FKRP: variants seen among roughly 807,000 people sequenced by gnomAD.
FKRP encodes fukutin related protein, also known as ribitol 5-phosphate transferase FKRP.
In FKRP, 25 loss-of-function variants were observed where a neutral mutation model predicts 30.6. That is an observed-to-expected ratio of 0.82 (90% CI 0.60 to 1.14). The LOEUF (loss-of-function observed/expected upper bound fraction) is 1.14. FKRP is among the 50% of genes most tolerant of loss of function. The pLI, the probability that FKRP is intolerant of heterozygous loss-of-function variation, is 0.00. For missense variants in FKRP, 771 were observed against 727.8 expected, an observed-to-expected ratio of 1.06 and a Z score of -0.68; for synonymous variants, 358 against 342.5, an observed-to-expected ratio of 1.05 and a Z score of -0.50.
In FKRP at chr19:46,755,606, G is replaced by A; in HGVS notation, c.156G>A (p.Leu52=). The change falls in exon 4 of 4, where the codon CTG becomes CTA. Residue 52 remains leucine, a synonymous_variant. Transcript: ENST00000318584. The part of the protein sequence containing the change: ...ASAAGPRVTV[L]VREFEAFDNA... ...CTGCCGGCCCCCGTGTCACCGTCCT[G>A]GTGCGGGAGTTCGAGGCATTTGACA... is the stretch of plus-strand genomic sequence containing the variant. 5 of 1,605,908 alleles carry A rather than the reference G, an allele frequency of 3.1e-6. No homozygotes were observed. Among genetic ancestry groups the A allele is most frequent in the Non-Finnish European group, 4.2e-6 (5 of 1,177,534 alleles).
chr19:46,753,237 G>A (rs1242004078), intron 3 of FKRP, among the ~76,000 whole-genome samples: 8 of 149,466 alleles, frequency 5.4e-5, no homozygotes, highest in Non-Finnish European at 1.0e-4. Context: ...AGGCCACGGC[G>A]GGTGGATCAC....
chr19:46,749,618 A>G (rs12986248), intron 3 of FKRP, among the ~76,000 whole-genome samples: 97,616 of 150,232 alleles, frequency 0.65, 32,084 homozygotes, highest in African/African-American at 0.76. Context: ...CCAGCTACTC[A>G]GGAGGCGGAG....
In FKRP at chr19:46,751,524, G is replaced by A. The variant is rs554737209; in HGVS notation, c.-40+2859G>A. Among the ~76,000 whole-genome samples, 81 of 150,764 alleles carry A rather than the reference G, an allele frequency of 5.4e-4. 1 individual carries two copies. Among genetic ancestry groups the A allele is most frequent in the African/African-American group, 1.6e-3 (66 of 41,014 alleles). ...CTCCCAAGTAGCTGGGATTACAGGC[G>A]CCTGTCACCATGCCCAGCTAACTTT... On this transcript the variant is annotated intron_variant, in intron 3 of 3. Coordinates refer to ENST00000318584, the MANE Select transcript of FKRP (RefSeq NM_024301.5).
At chr19:46,750,379 A>G (rs770257715) in intron 3 of FKRP, among the ~76,000 whole-genome samples, 1 of 152,184 alleles carries the variant, frequency 6.6e-6, no homozygotes, top group African/African-American at 2.4e-5. Flanking sequence ...GCCTGAGGGT[A>G]GCCAGGACCT....
At position 46,755,600 on chromosome 19, in the gene FKRP, C is replaced by T. The variant is rs1219780283; in HGVS notation, c.150C>T (p.Thr50=). The T allele has an allele frequency of 1.2e-6, 2 of 1,605,712 alleles. No individual in the cohort carries two copies. Among genetic ancestry groups the T allele is most frequent in the Non-Finnish European group, 1.7e-6 (2 of 1,177,354 alleles). ...CCTCTGCTGCCGGCCCCCGTGTCAC[C>T]GTCCTGGTGCGGGAGTTCGAGGCAT... ...RRASAAGPRV[T]VLVREFEAFD... is the part of the protein sequence containing the mutation. Residue 50 remains threonine (T), a synonymous_variant, in exon 4 of 4, where the codon ACC becomes ACT. Coordinates refer to ENST00000318584, the MANE Select transcript of FKRP (RefSeq NM_024301.5).
At position 46,746,060 on chromosome 19, in the gene FKRP, T is replaced by G; in HGVS notation, c.-283T>G. ...CCCCGCCGGCCGTCCCGGCGGCCAT[T>G]GCTCCAAGATGGCGGCGGCGGCGGC... is the stretch of plus-strand genomic sequence containing the variant. On this transcript the variant is annotated 5_prime_UTR_variant, in exon 1 of 4. The change creates a new upstream start codon in the 5' untranslated region. Transcript: ENST00000318584. 5 of 1,154,494 alleles carry G rather than the reference T, an allele frequency of 4.3e-6. No individual in the cohort carries two copies. The highest frequency in any genetic ancestry group is 8.0e-5 in the East Asian group (2 of 25,042). The allele number at this position is 1,154,494 out of a possible 1,614,324, so 71.5% of individuals were successfully genotyped here.
upstream of FKRP, chr19:46,745,799 G>A (rs577806781): frequency 1.9e-4 from 37 of 195,912 alleles, no homozygotes; most frequent in Non-Finnish European, 4.2e-5. Context: ...GGCTCGAGTC[G>A]CCTCTCTCAG....
At position 46,755,749 on chromosome 19, in the gene FKRP, G is replaced by A. The variant is rs1174581828; in HGVS notation, c.299G>A (p.Arg100His). ...GCCCTGCCCCGCATCCCCAACGTGC[G>A]TCTGGCGCTGCTCCAGCCCGCCCTG... ...PLALPRIPNV[R>H]LALLQPALDR... Residue 100 changes from arginine to histidine, a missense_variant, in exon 4 of 4, where the codon CGT becomes CAT. Coordinates refer to ENST00000318584, the MANE Select transcript of FKRP (RefSeq NM_024301.5). 1.3e-6 allele frequency: 2 copies of A among 1,551,880 alleles called. No homozygotes were observed. Among genetic ancestry groups the A allele is most frequent in the Admixed American group, 1.8e-5 (1 of 54,604 alleles).
In FKRP at chr19:46,756,019, G is replaced by A. The variant is rs917645867; in HGVS notation, c.569G>A (p.Arg190His). 8 of 1,573,324 alleles carry A rather than the reference G, an allele frequency of 5.1e-6. No individual in the cohort carries two copies. In the African/African-American group the frequency reaches 1.1e-4, roughly 21 times the overall value. ...ARYGAAPAAP[R>H]CDALDGDAVV... is the part of the protein sequence containing the mutation. ...TATGGCGCAGCCCCCGCCGCGCCCC[G>A]CTGCGACGCCCTGGACGGAGATGCT... The change falls in exon 4 of 4, where the codon CGC (arginine) becomes CAC (histidine). Residue 190 changes from arginine (R) to histidine (H), a missense_variant. Physicochemically the swap from Arg to His is conservative, Grantham distance 29. Transcript: ENST00000318584. The surrounding 1 kb of genome is among the most constrained non-coding windows in gnomAD (Gnocchi z 6.6).
At chr19:46,746,035 C>CA, upstream of FKRP, 3 of 1,223,192 alleles carry the variant, frequency 2.5e-6, no homozygotes, top group South Asian at 4.4e-5. Context: ...CCTCCCGCCC[C>CA]CCCGCCGGCC....
intron 1 of FKRP, chr19:46,746,370 C>G: frequency 8.7e-7 from 1 of 1,146,972 alleles, no homozygotes; most frequent in Non-Finnish European, 1.1e-6. Flanking sequence ...GCGCCTGAGC[C>G]GAGCGGACGG....
rs2054892239 is a variant in FKRP at position 46,755,592 on chromosome 19, C to A, written c.142C>A (p.Arg48Ser). ...GPRRASAAGP[R>S]VTVLVREFEA... Reference sequence around the variant, plus strand: ...CCGTCGTGCCTCTGCTGCCGGCCCCCGTGTCACCGTCCTGGTGCGGGAGTT... The same window carrying A: ...CCGTCGTGCCTCTGCTGCCGGCCCCAGTGTCACCGTCCTGGTGCGGGAGTT... Residue 48 changes from arginine (R) to serine (S), a missense_variant, in exon 4 of 4, where the codon CGT becomes AGT. Coordinates refer to ENST00000318584, the MANE Select transcript of FKRP (RefSeq NM_024301.5). 3 of 1,606,180 alleles carry A rather than the reference C, an allele frequency of 1.9e-6. No individual in the cohort carries two copies. Among genetic ancestry groups the A allele is most frequent in the East Asian group, 2.2e-5 (1 of 44,480 alleles).
chr19:46,751,471 T>A (rs1388813885), intron 3 of FKRP, among the ~76,000 whole-genome samples: 1 of 151,852 alleles, frequency 6.6e-6, no homozygotes, highest in Non-Finnish European at 1.5e-5. Context: ...CTCTGCCTCC[T>A]GGGTTCAAGC....
intron 1 of FKRP, chr19:46,746,551 A>AG: frequency 2.5e-6 from 1 of 396,754 alleles, no homozygotes; most frequent in Non-Finnish European, 3.4e-6. Flanking sequence ...GACAGTAGGA[A>AG]GGGGGGCCGG....
At position 46,757,015 on chromosome 19, in the gene FKRP, G is replaced by A. The variant is rs987624962; in HGVS notation, c.*77G>A. 25 of 1,574,236 alleles carry A rather than the reference G, an allele frequency of 1.6e-5. No individual in the cohort carries two copies. The African/African-American group carries it at 3.0e-4, about 19-fold the overall frequency. On this transcript the variant is annotated 3_prime_UTR_variant, in exon 4 of 4. Transcript: ENST00000318584. The stretch of plus-strand genomic sequence containing the variant: ...AGCTCTGTGTGAGCGGTGAGGGGTG[G>A]AGGGATGTCGCGGAGAGGGGAAGGG...
Position 46,755,641 on chromosome 19 carries a change from C to T in FKRP, c.191C>T (p.Pro64Leu), listed in dbSNP as rs376779706. ...REFEAFDNAV[P>L]ELVDSFLQQD... ...TTCGAGGCATTTGACAACGCGGTGCCCGAGCTGGTAGACTCCTTCCTGCAG... is the reference window on the plus strand; with the variant it reads ...TTCGAGGCATTTGACAACGCGGTGCTCGAGCTGGTAGACTCCTTCCTGCAG... The change falls in exon 4 of 4, where the codon CCC (proline) becomes CTC (leucine). Residue 64 changes from proline (P) to leucine (L), a missense_variant. By Grantham distance (98) the Pro-to-Leu change is moderately conservative (BLOSUM62 -3). Coordinates refer to ENST00000318584, the MANE Select transcript of FKRP (RefSeq NM_024301.5). 6 of 1,599,662 alleles carry T rather than the reference C, an allele frequency of 3.8e-6. No individual in the cohort carries two copies. The highest frequency in any genetic ancestry group is 1.3e-5 in the African/African-American group (1 of 74,734).
rs959475250 is a variant in FKRP at position 46,755,943 on chromosome 19, C to T, written c.493C>T (p.Pro165Ser). 5 of 1,534,628 alleles carry T rather than the reference C, an allele frequency of 3.3e-6. No homozygotes were observed. The highest frequency in any genetic ancestry group is 1.2e-5 in the South Asian group (1 of 83,932). Reference sequence around the variant, plus strand: ...GGCCGCCCCGGTTGCCACGGCCAACCCTGCCAGGTGCCTGGCCCTGAACGT... The same window carrying T: ...GGCCGCCCCGGTTGCCACGGCCAACTCTGCCAGGTGCCTGGCCCTGAACGT... ...LVAAPVATAN[P>S]ARCLALNVSL... The change falls in exon 4 of 4, where the codon CCT becomes TCT. Residue 165 changes from proline (P) to serine (S), a missense_variant. Transcript: ENST00000318584.
chr19:46,747,328 A>G (rs1397118063), intron 1 of FKRP: 1 of 151,676 alleles, frequency 6.6e-6, no homozygotes, highest in Admixed American at 6.6e-5. Flanking sequence ...CCTGGTTACT[A>G]TGATAATAGA....
chr19:46,748,763 GTTTT>G (rs2054725767), intron 3 of FKRP, 98 bp downstream of exon 3: 1 of 152,262 alleles, frequency 6.6e-6, no homozygotes, highest in Non-Finnish European at 1.5e-5. Context: ...TTGTTTGTTT[GTTTT>G]GAGACAGGGT....
Sources: allele counts gnomAD v4.1 joint callset (sites outside exome capture counted in the v4.1 genomes callset), GRCh38; gene constraint gnomAD v4.1.1; non-coding constraint Gnocchi (gnomAD v3.1); transcripts MANE v1.5; gene names NCBI Gene and HGNC (gene_info 2026-07-23, HGNC 2026-07-21).